The following FRAS1 variants were observed in gnomAD, a reference collection of about 807,000 sequenced individuals.
FRAS1 encodes the protein extracellular matrix organizing protein FRAS1.
In FRAS1, 290 loss-of-function variants were observed where a neutral mutation model predicts 435.2. That is an observed-to-expected ratio of 0.67 (90% CI 0.61 to 0.73). The LOEUF is 0.73. Among genes scored for constraint, FRAS1 ranks in the 30% least tolerant of loss-of-function variants. The pLI, the probability that FRAS1 is intolerant of heterozygous loss-of-function variation, is 0.00. For synonymous variants in FRAS1, 1,800 were observed against 1,851.0 expected (o/e 0.97, Z 0.71); for missense variants, 4,860 against 5,001.5 (o/e 0.97, Z 0.85).
chr4:78,334,209 A>T (rs1400619823), intron 19 of FRAS1, among the ~76,000 whole-genome samples: 3 of 152,160 alleles, frequency 2.0e-5, no homozygotes, highest in Non-Finnish European at 4.4e-5. Context: ...GGATAAAGAT[A>T]ACTGATTATG....
chr4:78,506,618 T>G (rs1217465318), intron 61 of FRAS1, among the ~76,000 whole-genome samples: 1 of 152,176 alleles, frequency 6.6e-6, no homozygotes, highest in African/African-American at 2.4e-5. Context: ...AGTGCAGTAT[T>G]TGGGCAGGCG....
At chr4:78,173,987 T>C (rs568192656) in intron 2 of FRAS1, among the ~76,000 whole-genome samples, 22 of 152,360 alleles carry the variant, frequency 1.4e-4, no homozygotes, top group African/African-American at 5.3e-4. Context: ...GTACAGATGG[T>C]GTAACTGGGT....
intron 31 of FRAS1, among the ~76,000 whole-genome samples, chr4:78,410,513 G>A (rs1560711815): frequency 1.3e-5 from 2 of 152,020 alleles, no homozygotes; most frequent in African/African-American, 2.4e-5. Context: ...TTACAAAGTG[G>A]TTCCCTTTAC....
chr4:78,446,634 C>T lies in FRAS1; in HGVS notation c.5857-93C>T, dbSNP rs936580092. The T allele has an allele frequency of 2.7e-6, 4 of 1,472,502 alleles. No homozygotes were observed. The African/African-American group carries it at 5.8e-5, about 21-fold the overall frequency. 91.2% of individuals were successfully genotyped at this position (1,472,502 alleles called of 1,614,324 possible). A position where few individuals can be genotyped will look rare whatever the true frequency, so the allele number is the denominator to read the frequency against. On this transcript the variant is annotated intron_variant, in intron 42 of 73. Coordinates refer to ENST00000512123, the MANE Select transcript of FRAS1 (RefSeq NM_025074.7). The stretch of plus-strand genomic sequence containing the variant: ...ACATTAAATGCTATTTTGAGGTGAA[C>T]ATTTCTGTAGCAATGATACTGTCTC...
At chr4:78,158,346 G>A (rs1469423702) in intron 2 of FRAS1, among the ~76,000 whole-genome samples, 1 of 152,074 alleles carries the variant, frequency 6.6e-6, no homozygotes. Flanking sequence ...TGTCATATAT[G>A]ATTTCTTTAA....
At chr4:78,157,660 G>T (rs943270547) in intron 2 of FRAS1, among the ~76,000 whole-genome samples, 2 of 151,954 alleles carry the variant, frequency 1.3e-5, no homozygotes, top group South Asian at 2.1e-4. Flanking sequence ...TTTTTAATTT[G>T]GTTGTTTTTT....
Position 78,481,925 on chromosome 4 carries a change from C to T in FRAS1, c.8565C>T (p.Ser2855=). ...CACCAGGAGTTGACTACGTTCCCAGCTCTCGGAAGGTGGAATTTGGGCCTG... is the reference window on the plus strand; with the variant it reads ...CACCAGGAGTTGACTACGTTCCCAGTTCTCGGAAGGTGGAATTTGGGCCTG... ...SATPGVDYVP[S]SRKVEFGPGV... is the part of the protein sequence containing the mutation. The change falls in exon 57 of 74, where the codon AGC becomes AGT. Residue 2855 remains serine, a synonymous_variant. Transcript: ENST00000512123. 1 of 1,613,848 alleles carries T rather than the reference C, an allele frequency of 6.2e-7. No homozygotes were observed. Among genetic ancestry groups the T allele is most frequent in the Non-Finnish European group, 8.5e-7 (1 of 1,179,838 alleles).
intron 52 of FRAS1, 48 bp downstream of exon 52, chr4:78,472,378 T>C: frequency 6.7e-7 from 1 of 1,486,674 alleles, no homozygotes. Context: ...TATGCTAATG[T>C]CACACTGCCT....
chr4:78,337,073 C>T (rs1456528147), intron 19 of FRAS1, among the ~76,000 whole-genome samples: 1 of 152,224 alleles, frequency 6.6e-6, no homozygotes, highest in African/African-American at 2.4e-5. Context: ...AATTGAACTT[C>T]AGAGGCAGCT....
chr4:78,073,708 C>T (rs1740479924), intron 2 of FRAS1, among the ~76,000 whole-genome samples: 1 of 152,110 alleles, frequency 6.6e-6, no homozygotes, highest in South Asian at 2.1e-4. Context: ...AAGTTCTCTG[C>T]TTACCAAGGG....
intron 28 of FRAS1, among the ~76,000 whole-genome samples, chr4:78,385,933 A>C (rs1459612479): frequency 6.6e-6 from 1 of 151,774 alleles, no homozygotes; most frequent in African/African-American, 2.4e-5. Context: ...AATTTAGGAC[A>C]GAGGGCTACA....
At chr4:78,235,091 T>C (rs978366680) in intron 2 of FRAS1, among the ~76,000 whole-genome samples, 1 of 152,184 alleles carries the variant, frequency 6.6e-6, no homozygotes, top group Non-Finnish European at 1.5e-5. Context: ...GAATTCCCTT[T>C]TTTTCCAGGA....
In FRAS1 at chr4:78,438,834, A is replaced by T. The variant is rs115364666; in HGVS notation, c.5367-68A>T. ...ATTGGTTTGGCCCCATTTTTAAACA[A>T]AGATGCTGCTGTCTTACCTGGCTTG... On this transcript the variant is annotated intron_variant, in intron 39 of 73. Coordinates refer to ENST00000512123, the MANE Select transcript of FRAS1 (RefSeq NM_025074.7). 1.4e-3 allele frequency: 2,080 copies of T among 1,517,388 alleles called. 25 individuals carry two copies. The African/African-American group carries it at 0.024, about 18-fold the overall frequency. The allele number at this position is 1,517,388 out of a possible 1,614,324, so 94.0% of individuals were successfully genotyped here. A position where few individuals can be genotyped will look rare whatever the true frequency, so the allele number is the denominator to read the frequency against.
At chr4:78,161,371 A>G (rs1721129393) in intron 2 of FRAS1, among the ~76,000 whole-genome samples, 1 of 152,080 alleles carries the variant, frequency 6.6e-6, no homozygotes, top group African/African-American at 2.4e-5. Flanking sequence ...GGGTTTGGAT[A>G]CTACTCTGTC....
At chr4:78,278,831 C>A in intron 10 of FRAS1, 87 bp downstream of exon 10, 1 of 816,286 alleles carries the variant, frequency 1.2e-6, no homozygotes, top group Non-Finnish European at 2.0e-6. Context: ...GTTTCTTTTG[C>A]CCATTCATTT....
chr4:78,279,437 G>A (rs1010477996), intron 10 of FRAS1, among the ~76,000 whole-genome samples: 8 of 152,184 alleles, frequency 5.3e-5, no homozygotes, highest in Non-Finnish European at 1.0e-4. Flanking sequence ...GTGAGTGACA[G>A]AAGGAAATGA....
At chr4:78,325,866 T>G (rs59389694) in intron 18 of FRAS1, among the ~76,000 whole-genome samples, 43,129 of 152,034 alleles carry the variant, frequency 0.28, 6,552 homozygotes, top group Non-Finnish European at 0.33. Context: ...GAAGGATTAA[T>G]GGGAGTTCAC....
intron 2 of FRAS1, among the ~76,000 whole-genome samples, chr4:78,127,330 G>C (rs72654658): frequency 0.026 from 3,925 of 152,210 alleles, 66 homozygotes; most frequent in Middle Eastern, 0.071. Flanking sequence ...CCCTTTTAAG[G>C]GCTTTGGACT....
At chr4:78,443,813 T>C (rs115125532) in intron 41 of FRAS1, among the ~76,000 whole-genome samples, 218 of 152,348 alleles carry the variant, frequency 1.4e-3, no homozygotes, top group Admixed American at 2.9e-3. Context: ...GGCACTATTA[T>C]ATTTGTGTAT....
Sources: gnomAD v4.1 joint callset for allele counts (sites outside exome capture counted in the v4.1 genomes callset) on GRCh38, gnomAD v4.1.1 for gene constraint, MANE v1.5 for transcripts, NCBI Gene and HGNC (gene_info 2026-07-23, HGNC 2026-07-21) for gene names.